STXBP6: variants seen among roughly 807,000 people sequenced by gnomAD.
STXBP6 encodes syntaxin binding protein 6.
In STXBP6, 21 loss-of-function variants were observed where a neutral mutation model predicts 26.9. That is an observed-to-expected ratio of 0.78 (90% confidence interval 0.55 to 1.12). STXBP6 has a LOEUF of 1.12. Ranked by LOEUF, STXBP6 falls within the 50% of genes most tolerant of loss-of-function variation. The probability of loss-of-function intolerance (pLI) is 0.00; values close to 1 mark genes in which losing one functional copy is unlikely to be tolerated. For synonymous variants in STXBP6, 97 were observed against 92.6 expected (o/e 1.05, Z -0.27); for missense variants, 232 against 257.9 (o/e 0.90, Z 0.69).
intron 1 of STXBP6, among the ~76,000 whole-genome samples, chr14:24,995,508 C>T (rs962741561): frequency 6.6e-6 from 1 of 151,990 alleles, no homozygotes; most frequent in African/African-American, 2.4e-5. Context: ...TTTGGAAATA[C>T]TTCTTAAAGA....
At chr14:24,816,938 T>C (rs1484138851) in intron 5 of STXBP6, 1 of 152,124 alleles carries the variant, frequency 6.6e-6, no homozygotes, top group African/African-American at 2.4e-5. Flanking sequence ...TTTATGAAAA[T>C]GATTACAAAT....
intron 4 of STXBP6, among the ~76,000 whole-genome samples, chr14:24,820,725 G>A (rs1370689757): frequency 2.6e-5 from 4 of 152,114 alleles, no homozygotes; most frequent in African/African-American, 4.8e-5. Flanking sequence ...GCACCTTCAC[G>A]AATATTATCT....
chr14:24,865,512 CA>C (rs1284830750), intron 2 of STXBP6, among the ~76,000 whole-genome samples: 1 of 152,104 alleles, frequency 6.6e-6, no homozygotes, highest in Non-Finnish European at 1.5e-5. Flanking sequence ...TTGCCTATGA[CA>C]ATTCAGCTGA....
At chr14:24,825,450 C>A (rs1424669269) in intron 4 of STXBP6, among the ~76,000 whole-genome samples, 5 of 152,162 alleles carry the variant, frequency 3.3e-5, no homozygotes, top group Admixed American at 2.6e-4. Context: ...TGCTTGTTGC[C>A]TGGAGCTGGA....
At chr14:24,996,271 C>G (rs116014311) in intron 1 of STXBP6, among the ~76,000 whole-genome samples, 1 of 152,096 alleles carries the variant, frequency 6.6e-6, no homozygotes, top group South Asian at 2.1e-4. Context: ...TGGCTATTTA[C>G]TATACTTATT....
At chr14:24,831,647 A>G (rs74037672) in intron 4 of STXBP6, among the ~76,000 whole-genome samples, 1 of 152,266 alleles carries the variant, frequency 6.6e-6, no homozygotes, top group African/African-American at 2.4e-5. Flanking sequence ...AGCAAGAAAA[A>G]GTGAATTTAT....
intron 2 of STXBP6, among the ~76,000 whole-genome samples, chr14:24,943,490 C>T (rs532565577): frequency 1.3e-5 from 2 of 152,322 alleles, no homozygotes; most frequent in South Asian, 4.1e-4. Context: ...CTAAATGTTT[C>T]ATCAGAAGCA....
intron 2 of STXBP6, among the ~76,000 whole-genome samples, chr14:24,915,469 C>T (rs574503184): frequency 7.2e-5 from 11 of 152,190 alleles, no homozygotes; most frequent in Admixed American, 6.5e-4. Context: ...CTAAACCAAC[C>T]ACCATAAGAT....
intron 1 of STXBP6, chr14:25,010,501 T>G (rs778808438): frequency 9.2e-5 from 14 of 152,264 alleles, no homozygotes; most frequent in Non-Finnish European, 1.8e-4. Context: ...ATTTAAAATA[T>G]GTTTTTATAA....
chr14:24,960,681 C>A (rs1325599330), intron 2 of STXBP6, among the ~76,000 whole-genome samples: 9 of 152,174 alleles, frequency 5.9e-5, no homozygotes, highest in Admixed American at 2.6e-4. Context: ...AATAGGTCTG[C>A]ACATTTGGCC....
At chr14:25,002,797 C>T (rs1330607426) in intron 1 of STXBP6, among the ~76,000 whole-genome samples, 2 of 151,512 alleles carry the variant, frequency 1.3e-5, no homozygotes, top group African/African-American at 4.8e-5. Flanking sequence ...GATGGAGTTT[C>T]ACTCTTGTTG....
At chr14:24,843,267 G>A (rs966492211) in intron 4 of STXBP6, among the ~76,000 whole-genome samples, 4 of 152,150 alleles carry the variant, frequency 2.6e-5, no homozygotes, top group African/African-American at 9.7e-5. Flanking sequence ...AGCATTCACA[G>A]GCTTTTTTCC....
At chr14:24,905,053 C>CAT (rs967692275) in intron 2 of STXBP6, among the ~76,000 whole-genome samples, 2 of 152,098 alleles carry the variant, frequency 1.3e-5, no homozygotes, top group Non-Finnish European at 2.9e-5. Context: ...CTAAGTTTCT[C>CAT]ATATATATAG....
intron 2 of STXBP6, among the ~76,000 whole-genome samples, chr14:24,971,353 C>T (rs1317602757): frequency 1.3e-5 from 2 of 152,190 alleles, no homozygotes; most frequent in Non-Finnish European, 1.5e-5. Context: ...AAATTTGATG[C>T]TTCATGCTGT....
At chr14:24,911,868 T>A (rs2071586972) in intron 2 of STXBP6, among the ~76,000 whole-genome samples, 1 of 152,234 alleles carries the variant, frequency 6.6e-6, no homozygotes, top group Non-Finnish European at 1.5e-5. Flanking sequence ...AACCCTTTTT[T>A]AAATTGAAAT....
chr14:24,996,630 T>A (rs8013194), intron 1 of STXBP6, among the ~76,000 whole-genome samples: 4 of 151,788 alleles, frequency 2.6e-5, no homozygotes, highest in African/African-American at 9.7e-5. Context: ...GGCAGGTGGA[T>A]CAACTGAGGT....
At chr14:24,917,985 T>C (rs1355502344) in intron 2 of STXBP6, among the ~76,000 whole-genome samples, 2 of 152,062 alleles carry the variant, frequency 1.3e-5, no homozygotes, top group East Asian at 1.9e-4. Flanking sequence ...TTTATACTTA[T>C]GCAACAGGTA....
chr14:24,834,464 T>C (rs904019556), intron 4 of STXBP6, among the ~76,000 whole-genome samples: 6 of 152,214 alleles, frequency 3.9e-5, no homozygotes, highest in African/African-American at 1.4e-4. Flanking sequence ...TCCTTAGATA[T>C]TGAGGAATGA....
chr14:24,935,223 C>G (rs190244502), intron 2 of STXBP6, among the ~76,000 whole-genome samples: 1 of 152,250 alleles, frequency 6.6e-6, no homozygotes, highest in African/African-American at 2.4e-5. Context: ...CAATAAGCCA[C>G]AGTTAATCCT....
Sources: gnomAD v4.1 joint callset for allele counts (sites outside exome capture counted in the v4.1 genomes callset) on GRCh38, gnomAD v4.1.1 for gene constraint, MANE v1.5 for transcripts, NCBI Gene and HGNC (gene_info 2026-07-23, HGNC 2026-07-21) for gene names.